The following PHF2 variants were observed in gnomAD, a reference collection of about 807,000 sequenced individuals.
PHF2 encodes lysine-specific demethylase PHF2.
Under a neutral mutation model 120.5 loss-of-function variants are expected in PHF2, and 27 were observed. The ratio of observed to expected loss-of-function variants is 0.22; its 90% CI spans 0.17 to 0.31. PHF2 has a LOEUF of 0.31. Ranked by LOEUF, PHF2 falls within the 10% of genes least tolerant of loss-of-function variation. The pLI is 1.00. For synonymous variants in PHF2, 568 were observed against 592.5 expected, an observed-to-expected ratio of 0.96 and a Z score of 0.60; for missense variants, 1,024 against 1,434.8, an observed-to-expected ratio of 0.71 and a Z score of 4.63.
rs1319856474 is a variant in PHF2 at position 93,678,630 on chromosome 9, CGGAG to C, written c.*957_*960del. 6.6e-6 allele frequency: 1 copy of C among 152,626 alleles called. No homozygotes were observed. Among genetic ancestry groups the C allele is most frequent in the Admixed American group, 6.5e-5 (1 of 15,286 alleles). The allele number at this position is 152,626 out of a possible 1,614,324, so 9.5% of individuals were successfully genotyped here. A position where few individuals can be genotyped will look rare whatever the true frequency, so the allele number is the denominator to read the frequency against. On this transcript the variant is annotated 3_prime_UTR_variant, in exon 22 of 22. Transcript: ENST00000359246. ...CTGGATGGTGTGTCCACCATCGACA[CGGAG>C]GGGCTGGATTTGTTTCTCAGGCAAT...
chr9:93,659,026 A>G (rs1203697722), intron 10 of PHF2, among the ~76,000 whole-genome samples: 1 of 152,222 alleles, frequency 6.6e-6, no homozygotes, highest in Non-Finnish European at 1.5e-5. Context: ...AGAGAAGGCC[A>G]GTGGAGATTT....
chr9:93,673,530 C>T, intron 17 of PHF2, 55 bp from the exon 18 acceptor site: 1 of 1,476,122 alleles, frequency 6.8e-7, no homozygotes, highest in Non-Finnish European at 9.1e-7. Flanking sequence ...TGTTTAAGTG[C>T]CTGGGCTGCA....
chr9:93,625,947 T>G (rs1489330521), intron 1 of PHF2, among the ~76,000 whole-genome samples: 2 of 151,862 alleles, frequency 1.3e-5, no homozygotes, highest in Non-Finnish European at 2.9e-5. Context: ...AAAACTTACT[T>G]TAAAAAAAAA....
At chr9:93,667,694 C>T (rs540963883) in intron 17 of PHF2, among the ~76,000 whole-genome samples, 9 of 152,058 alleles carry the variant, frequency 5.9e-5, no homozygotes, top group Non-Finnish European at 1.3e-4. Flanking sequence ...ATGGGGAAAC[C>T]GAGGCTCTGA....
At chr9:93,643,495 T>C (rs1342888905) in intron 3 of PHF2, among the ~76,000 whole-genome samples, 1 of 152,224 alleles carries the variant, frequency 6.6e-6, no homozygotes, top group Non-Finnish European at 1.5e-5. Context: ...TCCTTAACGC[T>C]ATTCCCATGT....
At position 93,677,462 on chromosome 9, in the gene PHF2, A is replaced by G; in HGVS notation, c.3203-126A>G. 6.9e-6 allele frequency: 5 copies of G among 726,264 alleles called. No individual in the cohort carries two copies. The South Asian group carries it at 8.4e-5, about 12-fold the overall frequency. 45.0% of individuals were successfully genotyped at this position (726,264 alleles called of 1,614,324 possible). On this transcript the variant is annotated intron_variant, in intron 21 of 21. Coordinates refer to ENST00000359246, the MANE Select transcript of PHF2 (RefSeq NM_005392.4). The surrounding 1 kb of genome is among the most constrained non-coding windows in gnomAD (Gnocchi z 4.4). ...CTCGGAGCTGGGGCTTCATAGGCCC[A>G]TTTTACAGATGGGGGACTGCAGGCT...
intron 1 of PHF2, among the ~76,000 whole-genome samples, chr9:93,598,609 C>CT (rs150575966): frequency 0.016 from 2,491 of 152,206 alleles, 68 homozygotes; most frequent in East Asian, 0.098. Context: ...CCCCACCCTC[C>CT]TAAGAGGTTG....
At chr9:93,658,324 C>G in intron 10 of PHF2, 88 bp downstream of exon 10, 1 of 986,416 alleles carries the variant, frequency 1.0e-6, no homozygotes, top group Admixed American at 2.0e-5. Context: ...ATGTCCAGGA[C>G]TTGTCCTGCT....
chr9:93,656,196 G>A lies in PHF2; in HGVS notation c.1040+175G>A, dbSNP rs547043876. 6.6e-6 allele frequency among the ~76,000 whole-genome samples: 1 copy of A among 152,294 alleles called. No individual in the cohort carries two copies. Among genetic ancestry groups the A allele is most frequent in the South Asian group, 2.1e-4 (1 of 4,826 alleles). ...TGATGTGGAGGGAAGGAGGAGGTGG[G>A]CCCTGGGTTCATGCAGGCCGGCTCC... On this transcript the variant is annotated intron_variant, in intron 8 of 21. Transcript: ENST00000359246. The surrounding 1 kb of genome is among the most constrained non-coding windows in gnomAD (Gnocchi z 4.1).
chr9:93,584,607 CT>C (rs1307203372), intron 1 of PHF2, among the ~76,000 whole-genome samples: 2 of 152,208 alleles, frequency 1.3e-5, no homozygotes, highest in Admixed American at 1.3e-4. Flanking sequence ...CTATATGTGT[CT>C]CCTTATGCCA....
intron 1 of PHF2, among the ~76,000 whole-genome samples, chr9:93,624,442 TG>T (rs929948518): frequency 6.6e-6 from 1 of 151,716 alleles, no homozygotes; most frequent in Admixed American, 6.6e-5. Flanking sequence ...ATGGTGGTGG[TG>T]GTGATTATAG....
intron 1 of PHF2, among the ~76,000 whole-genome samples, chr9:93,607,964 G>GAGA (rs1825570881): frequency 3.4e-5 from 3 of 87,212 alleles, no homozygotes; most frequent in African/African-American, 1.2e-4. Context: ...AGAGAGAGAG[G>GAGA]GAAAGAGATG....
intron 17 of PHF2, chr9:93,672,644 G>A (rs1826827233): frequency 2.0e-6 from 2 of 984,692 alleles, no homozygotes; most frequent in Non-Finnish European, 2.4e-6. Context: ...AGGTGCGGGG[G>A]TGGAGGTAGG....
chr9:93,644,549 G>A (rs1418301465), intron 3 of PHF2, among the ~76,000 whole-genome samples: 1 of 152,130 alleles, frequency 6.6e-6, no homozygotes, highest in Non-Finnish European at 1.5e-5. Flanking sequence ...CTTGGGTGGT[G>A]CACTCCTCCC....
intron 5 of PHF2, 95 bp from the exon 6 acceptor site, chr9:93,653,084 G>T (rs992676901): frequency 1.7e-6 from 2 of 1,143,698 alleles, no homozygotes; most frequent in Non-Finnish European, 2.5e-6. Flanking sequence ...TGGTGAGAGA[G>T]CGTGGGACAT....
chr9:93,675,934 T>G lies in PHF2; in HGVS notation c.2832+145T>G, dbSNP rs756795011. 70 of 623,222 alleles carry G rather than the reference T, an allele frequency of 1.1e-4. 1 individual carries two copies. The highest frequency in any genetic ancestry group is 8.0e-5 in the Non-Finnish European group (28 of 351,486). 38.6% of individuals were successfully genotyped at this position (623,222 alleles called of 1,614,324 possible). A position where few individuals can be genotyped will look rare whatever the true frequency, so the allele number is the denominator to read the frequency against. On this transcript the variant is annotated intron_variant, in intron 20 of 21. Coordinates refer to ENST00000359246, the MANE Select transcript of PHF2 (RefSeq NM_005392.4). ...GGTCACAGGCTTGGGGACATTTGAT[T>G]AGAGAGTGCCCTATTCCTCCAGGCC...
intron 1 of PHF2, among the ~76,000 whole-genome samples, chr9:93,596,912 G>C (rs1810886): frequency 0.82 from 122,451 of 148,610 alleles, 51,004 homozygotes; most frequent in East Asian, 0.94. Flanking sequence ...GCACGCGCCA[G>C]CACGCCCAGC....
chr9:93,590,127 A>G (rs897937878), intron 1 of PHF2, among the ~76,000 whole-genome samples: 3 of 152,238 alleles, frequency 2.0e-5, no homozygotes, highest in African/African-American at 4.8e-5. Context: ...TAAAATCGTC[A>G]GATTGGTTGT....
chr9:93,583,605 T>G (rs752632672), intron 1 of PHF2, among the ~76,000 whole-genome samples: 3 of 152,072 alleles, frequency 2.0e-5, no homozygotes, highest in Non-Finnish European at 1.5e-5. Context: ...GCTATTCTAG[T>G]GGGTATAAAG....
Sources: gnomAD v4.1 joint callset for allele counts (sites outside exome capture counted in the v4.1 genomes callset) on GRCh38, gnomAD v4.1.1 for gene constraint, Gnocchi (gnomAD v3.1) non-coding constraint, MANE v1.5 for transcripts, NCBI Gene and HGNC (gene_info 2026-07-23, HGNC 2026-07-21) for gene names.